The following SBNO1 variants were observed in gnomAD, a reference collection of about 807,000 sequenced individuals.
The protein encoded by SBNO1 is protein strawberry notch homolog 1.
Under a neutral mutation model 173.6 loss-of-function variants are expected in SBNO1, and 23 were observed. The observed-to-expected ratio is 0.13, with a 90% CI of 0.10 to 0.19. SBNO1 has a LOEUF of 0.19. Ranked by LOEUF, SBNO1 falls within the 10% of genes least tolerant of loss-of-function variation. SBNO1 has a pLI of 1.00. For missense variants in SBNO1, 1,238 were observed against 1,671.2 expected (o/e 0.74, Z 4.52); for synonymous variants, 632 against 571.5 (o/e 1.11, Z -1.51).
At chr12:123,336,952 T>TCA (rs1555249879) in intron 5 of SBNO1, among the ~76,000 whole-genome samples, 3 of 152,186 alleles carry the variant, frequency 2.0e-5, no homozygotes, top group Non-Finnish European at 4.4e-5. Context: ...GCAAGGCCTC[T>TCA]CAGTCTCACA....
rs568713065 is a variant in SBNO1, at chr12:123,291,999, G to C, written c.*3909C>G. The C allele has an allele frequency of 6.7e-6, 1 of 149,452 alleles. No homozygotes were observed. Among genetic ancestry groups the C allele is most frequent in the African/African-American group, 2.5e-5 (1 of 40,740 alleles). The allele number at this position is 149,452 out of a possible 1,614,324, so 9.3% of individuals were successfully genotyped here. A position where few individuals can be genotyped will look rare whatever the true frequency, so the allele number is the denominator to read the frequency against. On this transcript the variant is annotated 3_prime_UTR_variant, in exon 32 of 32. Coordinates refer to ENST00000602398, the MANE Select transcript of SBNO1 (RefSeq NM_001167856.3). The stretch of plus-strand genomic sequence containing the variant: ...CTTAAAAGACACTGCATTTGTATCA[G>C]ACAACTGGCATTCAATGAGACATTT...
At chr12:123,350,991 G>A (rs940619523) in intron 1 of SBNO1, among the ~76,000 whole-genome samples, 2 of 152,070 alleles carry the variant, frequency 1.3e-5, no homozygotes, top group African/African-American at 4.8e-5. Flanking sequence ...ATGTGGTGGC[G>A]GGTGCCTGTA....
At chr12:123,348,882 C>T (rs370824030) in intron 2 of SBNO1, 1 of 151,902 alleles carries the variant, frequency 6.6e-6, no homozygotes, top group East Asian at 1.9e-4. Flanking sequence ...ACTGCTTGAA[C>T]CTGAGAGGTG....
intron 5 of SBNO1, among the ~76,000 whole-genome samples, chr12:123,340,248 T>G (rs775653302): frequency 4.6e-5 from 7 of 152,168 alleles, no homozygotes; most frequent in Non-Finnish European, 7.3e-5. Flanking sequence ...ATGTATGGAA[T>G]CAATTGATCC....
At position 123,296,004 on chromosome 12, in the gene SBNO1, TAGG is replaced by T. The variant is rs1566017742; in HGVS notation, c.4083_4085del (p.Leu1362del). The T allele has an allele frequency of 1.2e-6, 2 of 1,613,992 alleles. No individual in the cohort carries two copies. Among genetic ancestry groups the T allele is most frequent in the Non-Finnish European group, 1.7e-6 (2 of 1,179,888 alleles). On this transcript the variant is annotated inframe_deletion, in exon 32 of 32. Transcript: ENST00000602398. ...GCTGTTGAGACTGGTCTGAAGTTGA[TAGG>T]AGATTTACAAGAGGAGACACACAAT...
intron 29 of SBNO1, among the ~76,000 whole-genome samples, chr12:123,303,584 G>C (rs1376534041): frequency 6.6e-6 from 1 of 152,190 alleles, no homozygotes; most frequent in Non-Finnish European, 1.5e-5. Flanking sequence ...GGGAGGCGGA[G>C]GTTACAGTGA....
chr12:123,305,822 G>A (rs1335203948), intron 28 of SBNO1, among the ~76,000 whole-genome samples: 1 of 152,064 alleles, frequency 6.6e-6, no homozygotes, highest in East Asian at 1.9e-4. Context: ...TTAAGAGGAA[G>A]GAGTTACTCT....
chr12:123,364,828 G>A lies in SBNO1; in HGVS notation c.-128C>T, dbSNP rs1875969321. 2 of 968,244 alleles carry A rather than the reference G, an allele frequency of 2.1e-6. No individual in the cohort carries two copies. Among genetic ancestry groups the A allele is most frequent in the South Asian group, 9.5e-5 (2 of 20,994 alleles). 60.0% of individuals were successfully genotyped at this position (968,244 alleles called of 1,614,324 possible). ...GGCGTCCTGCTCTGCCTACCTCCCC[G>A]CCGCCATCTTGACGCCCCTCCCCCA... On this transcript the variant is annotated 5_prime_UTR_variant, in exon 1 of 32. Coordinates refer to ENST00000602398, the MANE Select transcript of SBNO1 (RefSeq NM_001167856.3).
chr12:123,364,252 T>C, intron 1 of SBNO1: 3 of 985,482 alleles, frequency 3.0e-6, no homozygotes, highest in South Asian at 4.7e-5. Flanking sequence ...CCGGGAGCAA[T>C]GCTGGGGCAC....
At chr12:123,349,655 G>A (rs1488771951) in intron 2 of SBNO1, among the ~76,000 whole-genome samples, 1 of 152,100 alleles carries the variant, frequency 6.6e-6, no homozygotes, top group Non-Finnish European at 1.5e-5. Flanking sequence ...AGTGGCTCAC[G>A]CCTATAACCC....
chr12:123,353,812 C>G (rs938614123), intron 1 of SBNO1, among the ~76,000 whole-genome samples: 25 of 152,144 alleles, frequency 1.6e-4, no homozygotes, highest in Non-Finnish European at 8.8e-5. Flanking sequence ...TAATAGAACT[C>G]TGGAGACTAT....
intron 9 of SBNO1, among the ~76,000 whole-genome samples, chr12:123,329,325 G>C (rs937950359): frequency 1.3e-4 from 19 of 151,772 alleles, no homozygotes. Flanking sequence ...AGGTTGCAGT[G>C]AGCCGAGATT....
At chr12:123,336,044 G>T (rs186705935) in intron 6 of SBNO1, among the ~76,000 whole-genome samples, 1 of 151,850 alleles carries the variant, frequency 6.6e-6, no homozygotes, top group African/African-American at 2.4e-5. Flanking sequence ...CCTAATTTTC[G>T]ACTTCATACA....
intron 1 of SBNO1, 118 bp from the exon 2 acceptor site, chr12:123,350,559 A>ATGG: frequency 1.3e-6 from 1 of 790,962 alleles, no homozygotes; most frequent in Non-Finnish European, 2.1e-6. Context: ...GTATTAATGA[A>ATGG]GAACCTGCCA....
chr12:123,309,180 CAATGAT>C, intron 28 of SBNO1, 124 bp downstream of exon 28: 1 of 678,076 alleles, frequency 1.5e-6, no homozygotes, highest in Non-Finnish European at 2.6e-6. Context: ...CACACAATTA[CAATGAT>C]AAATTACCAA....
rs1457993628 is a variant in SBNO1 at position 123,334,097 on chromosome 12, A to C, written c.865T>G (p.Trp289Gly). The change falls in exon 7 of 32, where the codon TGG becomes GGG. Residue 289 changes from tryptophan to glycine, a missense_variant. This residue lies in a region of SBNO1 where 78 missense variants were observed against 103.3 expected (regional missense o/e 0.76). Coordinates refer to ENST00000602398, the MANE Select transcript of SBNO1 (RefSeq NM_001167856.3). ...GCCTCAAGCTGCAATGCTGATAACC[A>C]GCCATTATCAATGGTTTCCTCAGAA... ...SISEETIDNG[W>G]LSALQLEAIT... The C allele has an allele frequency of 1.2e-6, 2 of 1,603,594 alleles. No homozygotes were observed. The highest frequency in any genetic ancestry group is 3.4e-5 in the Admixed American group (2 of 58,826).
rs2048479192 is a variant in SBNO1 at position 123,289,408 on chromosome 12, C to T, written c.*6500G>A. 1.3e-5 allele frequency: 2 copies of T among 152,220 alleles called. No homozygotes were observed. Among genetic ancestry groups the T allele is most frequent in the Admixed American group, 6.5e-5 (1 of 15,282 alleles). 9.4% of individuals were successfully genotyped at this position (152,220 alleles called of 1,614,324 possible). On this transcript the variant is annotated 3_prime_UTR_variant, in exon 32 of 32. Transcript: ENST00000602398. Reference sequence around the variant, plus strand: ...ATTGGAACAGGGCGCACCCTTCACACACTGATGGACACGCTACAACAGGAG... The same window carrying T: ...ATTGGAACAGGGCGCACCCTTCACATACTGATGGACACGCTACAACAGGAG...
At chr12:123,315,894 AT>A (rs938820467) in intron 21 of SBNO1, among the ~76,000 whole-genome samples, 1 of 152,192 alleles carries the variant, frequency 6.6e-6, no homozygotes, top group Non-Finnish European at 1.5e-5. Context: ...ATTACTCTGG[AT>A]TTTCCCAAAA....
chr12:123,332,798 C>A (rs1227197733), intron 7 of SBNO1, among the ~76,000 whole-genome samples: 2 of 152,128 alleles, frequency 1.3e-5, no homozygotes, highest in East Asian at 3.9e-4. Flanking sequence ...AACTCCTGAC[C>A]TCAGGGTGAC....
Sources: allele counts gnomAD v4.1 joint callset (sites outside exome capture counted in the v4.1 genomes callset), GRCh38; gene constraint gnomAD v4.1.1; regional missense constraint gnomAD v4.1.1; transcripts MANE v1.5; gene names NCBI Gene and HGNC (gene_info 2026-07-23, HGNC 2026-07-21).